METTL24: variants seen among roughly 807,000 people sequenced by gnomAD.
METTL24 encodes the protein methyltransferase like 24.
Under a neutral mutation model 32.7 loss-of-function variants are expected in METTL24, and 29 were observed. The ratio of observed to expected loss-of-function variants is 0.89; its 90% confidence interval spans 0.66 to 1.21. The LOEUF (loss-of-function observed/expected upper bound fraction) is 1.21. METTL24 is among the 50% of genes most tolerant of loss of function. The probability of loss-of-function intolerance (pLI) is 0.00; values close to 1 mark genes in which losing one functional copy is unlikely to be tolerated. For synonymous variants in METTL24, 163 were observed against 179.5 expected (o/e 0.91, Z 0.73); for missense variants, 439 against 468.1 (o/e 0.94, Z 0.57).
Position 110,327,756 on chromosome 6 carries a change from C to T in METTL24, c.319-4884G>A, listed in dbSNP as rs144426596. 9.5e-3 allele frequency among the ~76,000 whole-genome samples: 1,446 copies of T among 152,298 alleles called. 9 individuals are homozygous for T. Among genetic ancestry groups the T allele is most frequent in the Admixed American group, 0.011 (171 of 15,298 alleles). On this transcript the variant is annotated intron_variant, in intron 1 of 4. Transcript: ENST00000338882. ...AGAGAATTCTCTGAGCACCTTAAAACGTCAATGGCAGGTTAAATAGAAAAG... is the reference window on the plus strand; with the variant it reads ...AGAGAATTCTCTGAGCACCTTAAAATGTCAATGGCAGGTTAAATAGAAAAG...
At chr6:110,334,008 T>C (rs557274756) in intron 1 of METTL24, among the ~76,000 whole-genome samples, 42 of 151,588 alleles carry the variant, frequency 2.8e-4, no homozygotes, top group African/African-American at 1.0e-3. Context: ...ATTTTCATTT[T>C]AGAGTAGTGT....
intron 2 of METTL24, among the ~76,000 whole-genome samples, chr6:110,318,678 G>GA (rs1243551188): frequency 6.9e-6 from 1 of 145,324 alleles, no homozygotes; most frequent in Non-Finnish European, 1.5e-5. Context: ...AAGAAAGAAA[G>GA]AAAGAAAAGA....
At chr6:110,348,988 A>G (rs1434610390) in intron 1 of METTL24, among the ~76,000 whole-genome samples, 1 of 152,228 alleles carries the variant, frequency 6.6e-6, no homozygotes, top group Admixed American at 6.5e-5. Context: ...TGCTAAATTC[A>G]GGTGTCTGCT....
chr6:110,277,120 C>T (rs959583442), intron 4 of METTL24, among the ~76,000 whole-genome samples: 7 of 152,102 alleles, frequency 4.6e-5, no homozygotes, highest in Admixed American at 3.9e-4. Context: ...CAAAAGATTG[C>T]GTGGGTCAGA....
intron 4 of METTL24, among the ~76,000 whole-genome samples, chr6:110,283,369 A>C (rs1771170078): frequency 6.6e-6 from 1 of 152,204 alleles, no homozygotes; most frequent in African/African-American, 2.4e-5. Flanking sequence ...ATAAGAAAAA[A>C]AATTACTAGA....
intron 3 of METTL24, among the ~76,000 whole-genome samples, chr6:110,309,211 G>A (rs1771675552): frequency 6.6e-6 from 1 of 152,150 alleles, no homozygotes; most frequent in Admixed American, 6.6e-5. Flanking sequence ...AAGGCAGAGG[G>A]TTAGAAGAGG....
chr6:110,357,966 G>A lies in METTL24; in HGVS notation c.307C>T (p.Pro103Ser). 2 of 1,188,724 alleles carry A rather than the reference G, an allele frequency of 1.7e-6. No individual in the cohort carries two copies. The highest frequency in any genetic ancestry group is 3.6e-5 in the East Asian group (1 of 28,088). 73.6% of individuals were successfully genotyped at this position (1,188,724 alleles called of 1,614,324 possible). The change falls in exon 1 of 5, where the codon CCC becomes TCC. Residue 103 changes from proline to serine, a missense_variant. Coordinates refer to ENST00000338882, the MANE Select transcript of METTL24 (RefSeq NM_001123364.3). ...EPGCCAPRGR[P>S]RRKGPRWHID... is the part of the protein sequence containing the mutation. ...GCTTTGCAACTGACCTTCCGGCGGGGGCGCCCGCGCGGGGCACAGCAGCCA... is the reference window on the plus strand; with the variant it reads ...GCTTTGCAACTGACCTTCCGGCGGGAGCGCCCGCGCGGGGCACAGCAGCCA...
chr6:110,270,581 A>G (rs1292930869), intron 4 of METTL24, among the ~76,000 whole-genome samples: 1 of 152,124 alleles, frequency 6.6e-6, no homozygotes, highest in African/African-American at 2.4e-5. Context: ...CTCTGAATTT[A>G]GTTACATAGA....
At chr6:110,311,122 C>T (rs1333532721) in intron 3 of METTL24, among the ~76,000 whole-genome samples, 2 of 152,114 alleles carry the variant, frequency 1.3e-5, no homozygotes, top group African/African-American at 2.4e-5. Context: ...GTTCTCACTC[C>T]TAATTTCAGG....
chr6:110,347,418 A>T (rs1050357123), intron 1 of METTL24, among the ~76,000 whole-genome samples: 8 of 152,236 alleles, frequency 5.3e-5, no homozygotes, highest in Non-Finnish European at 1.2e-4. Context: ...AAGCTGCTTG[A>T]AGGAATTATA....
At chr6:110,303,975 C>A (rs1302016211) in intron 3 of METTL24, among the ~76,000 whole-genome samples, 1 of 152,190 alleles carries the variant, frequency 6.6e-6, no homozygotes, top group Non-Finnish European at 1.5e-5. Flanking sequence ...AAGGAGCAGG[C>A]AGCAATCTTT....
chr6:110,342,103 A>G (rs185489912), intron 1 of METTL24, among the ~76,000 whole-genome samples: 1 of 152,238 alleles, frequency 6.6e-6, no homozygotes, highest in African/African-American at 2.4e-5. Flanking sequence ...TCCTGGCCAC[A>G]TCTTTTGACA....
intron 4 of METTL24, 73 bp downstream of exon 4, chr6:110,298,849 C>A: frequency 7.6e-7 from 1 of 1,321,762 alleles, no homozygotes; most frequent in South Asian, 1.3e-5. Flanking sequence ...TGTTGCTATT[C>A]TTGGTTTGCA....
At chr6:110,294,614 G>A (rs995914870) in intron 4 of METTL24, among the ~76,000 whole-genome samples, 1 of 151,992 alleles carries the variant, frequency 6.6e-6, no homozygotes, top group Non-Finnish European at 1.5e-5. Flanking sequence ...ATCAGGTTGG[G>A]TTTAAAAATA....
intron 1 of METTL24, among the ~76,000 whole-genome samples, chr6:110,324,902 A>ACT (rs1289965360): frequency 6.6e-6 from 1 of 152,246 alleles, no homozygotes; most frequent in African/African-American, 2.4e-5. Flanking sequence ...CCCAAGAGGC[A>ACT]CTCATGGTCA....
At chr6:110,277,245 T>C (rs929698084) in intron 4 of METTL24, among the ~76,000 whole-genome samples, 1 of 152,138 alleles carries the variant, frequency 6.6e-6, no homozygotes, top group Admixed American at 6.6e-5. Flanking sequence ...TTTGATCTTA[T>C]TTCCAGGGCA....
chr6:110,301,538 C>T (rs1388964454), intron 3 of METTL24, among the ~76,000 whole-genome samples: 16 of 152,120 alleles, frequency 1.1e-4, no homozygotes, highest in Admixed American at 9.8e-4. Context: ...AACGTGCCCT[C>T]GAGAATTTGC....
rs777839831 is a variant in METTL24 at position 110,245,925 on chromosome 6, C to G, written c.*21G>C. 6.3e-7 allele frequency: 1 copy of G among 1,583,098 alleles called. No individual in the cohort carries two copies. The highest frequency in any genetic ancestry group is 1.3e-5 in the African/African-American group (1 of 74,262). On this transcript the variant is annotated 3_prime_UTR_variant, in exon 5 of 5. Transcript: ENST00000338882. ...TGCATTCTGCAAATATTTTCTTGTG[C>G]TCTTGATGACATCCTGCATCCTATT...
intron 4 of METTL24, among the ~76,000 whole-genome samples, chr6:110,274,141 G>T (rs1471374522): frequency 6.6e-6 from 1 of 152,168 alleles, no homozygotes; most frequent in Non-Finnish European, 1.5e-5. Flanking sequence ...TGCCCAGGCT[G>T]GAGTGCAGTG....
Sources: allele counts gnomAD v4.1 joint callset (sites outside exome capture counted in the v4.1 genomes callset), GRCh38; gene constraint gnomAD v4.1.1; transcripts MANE v1.5; gene names NCBI Gene and HGNC (gene_info 2026-07-23, HGNC 2026-07-21).